Variants in CTNNA3 observed in about 807,000 individuals in gnomAD.
CTNNA3 encodes catenin alpha-3.
CTNNA3 carries 76 observed loss-of-function variants against 95.7 expected under a neutral mutation model. The ratio of observed to expected loss-of-function variants is 0.79; its 90% CI spans 0.66 to 0.96. CTNNA3 has a LOEUF of 0.96. Among genes scored for constraint, CTNNA3 ranks in the 40% least tolerant of loss-of-function variants. The pLI, the probability that CTNNA3 is intolerant of heterozygous loss-of-function variation, is 0.00. For missense variants in CTNNA3, 1,191 were observed against 1,089.8 expected (o/e 1.09, Z -1.31); for synonymous variants, 431 against 374.4 (o/e 1.15, Z -1.74).
intron 5 of CTNNA3, among the ~76,000 whole-genome samples, chr10:67,512,755 G>A (rs1839678236): frequency 6.6e-6 from 1 of 151,648 alleles, no homozygotes; most frequent in African/African-American, 2.4e-5. Flanking sequence ...GGGAGGCCGA[G>A]GCAGGCAGAT....
intron 7 of CTNNA3, among the ~76,000 whole-genome samples, chr10:66,800,460 T>A (rs915964444): frequency 1.3e-5 from 2 of 150,792 alleles, no homozygotes; most frequent in African/African-American, 4.9e-5. Context: ...AATTGAAAAA[T>A]TCAATAACAC....
At chr10:66,798,835 T>C (rs1291013456) in intron 7 of CTNNA3, among the ~76,000 whole-genome samples, 1 of 151,578 alleles carries the variant, frequency 6.6e-6, no homozygotes, top group Non-Finnish European at 1.5e-5. Context: ...AAAAGACATA[T>C]GAGATAAAAA....
chr10:67,442,635 C>A (rs1489346640), intron 5 of CTNNA3, among the ~76,000 whole-genome samples: 1 of 151,916 alleles, frequency 6.6e-6, no homozygotes, highest in Non-Finnish European at 1.5e-5. Context: ...TATAAAGGAT[C>A]AATTCAGCAT....
chr10:67,236,023 GAGGATGTGGAGAAAT>G, intron 5 of CTNNA3, among the ~76,000 whole-genome samples: 1 of 146,168 alleles, frequency 6.8e-6, no homozygotes, highest in South Asian at 2.2e-4. Flanking sequence ...AGGTGCTGGA[GAGGATGTGGAGAAAT>G]AGGAACACTT....
chr10:66,046,405 G>A (rs1285848504), intron 15 of CTNNA3, among the ~76,000 whole-genome samples: 1 of 152,164 alleles, frequency 6.6e-6, no homozygotes, highest in Non-Finnish European at 1.5e-5. Context: ...TGCAGGTCCA[G>A]CAAAGTGGGA....
intron 13 of CTNNA3, among the ~76,000 whole-genome samples, chr10:66,128,652 T>G (rs1381225837): frequency 6.6e-6 from 1 of 152,070 alleles, no homozygotes; most frequent in Non-Finnish European, 1.5e-5. Context: ...AGGGAGGGGA[T>G]GTATAGGCAG....
intron 5 of CTNNA3, among the ~76,000 whole-genome samples, chr10:67,271,432 G>A (rs1838967730): frequency 6.6e-6 from 1 of 152,032 alleles, no homozygotes; most frequent in Non-Finnish European, 1.5e-5. Context: ...CCTCCCCTTT[G>A]TGTTCTGCCA....
chr10:66,940,368 T>C (rs554083950), intron 7 of CTNNA3, among the ~76,000 whole-genome samples: 1 of 152,206 alleles, frequency 6.6e-6, no homozygotes, highest in South Asian at 2.1e-4. Context: ...TGATGGCACA[T>C]GCTTGGAAGC....
At chr10:66,177,408 A>G (rs767433818) in intron 13 of CTNNA3, among the ~76,000 whole-genome samples, 2 of 152,038 alleles carry the variant, frequency 1.3e-5, no homozygotes, top group Non-Finnish European at 2.9e-5. Flanking sequence ...CAGATTTTTA[A>G]AAATTTTGTT....
At chr10:67,592,370 C>A (rs1278389965) in intron 3 of CTNNA3, among the ~76,000 whole-genome samples, 1 of 152,040 alleles carries the variant, frequency 6.6e-6, no homozygotes, top group Non-Finnish European at 1.5e-5. Flanking sequence ...AAGCTGGGGG[C>A]AGCAGGAGTA....
In CTNNA3 at chr10:66,551,630, G is replaced by A. The variant is rs545379346; in HGVS notation, c.1375-30857C>T. 1.1e-4 allele frequency among the ~76,000 whole-genome samples: 17 copies of A among 152,022 alleles called. No homozygotes were observed. The South Asian group carries it at 1.5e-3, about 13-fold the overall frequency. On this transcript the variant is annotated intron_variant, in intron 10 of 17. Coordinates refer to ENST00000433211, the MANE Select transcript of CTNNA3 (RefSeq NM_013266.4). ...TATAAATTATCAAATTTGGAATTAC[G>A]TCTTGTGTGTGTTTGATAAAATACT...
intron 7 of CTNNA3, among the ~76,000 whole-genome samples, chr10:66,856,178 G>A (rs944660075): frequency 7.2e-5 from 11 of 151,922 alleles, no homozygotes; most frequent in Non-Finnish European, 1.5e-4. Context: ...GTGGTATTTG[G>A]TTTTCTGTTC....
intron 5 of CTNNA3, among the ~76,000 whole-genome samples, chr10:67,343,272 T>G (rs764165062): frequency 2.0e-5 from 3 of 152,144 alleles, no homozygotes; most frequent in Non-Finnish European, 2.9e-5. Flanking sequence ...TAGGATAGTT[T>G]TTTTCTATTT....
chr10:66,099,623 G>C (rs951231307), intron 14 of CTNNA3, among the ~76,000 whole-genome samples: 1 of 152,052 alleles, frequency 6.6e-6, no homozygotes, highest in Non-Finnish European at 1.5e-5. Flanking sequence ...AGTAGAATCT[G>C]TTGTAATAAA....
chr10:66,135,386 C>T (rs1334697081), intron 13 of CTNNA3, among the ~76,000 whole-genome samples: 1 of 152,092 alleles, frequency 6.6e-6, no homozygotes, highest in East Asian at 1.9e-4. Context: ...TAAAAGTTCT[C>T]CCCTAAAAAT....
intron 13 of CTNNA3, among the ~76,000 whole-genome samples, chr10:66,171,981 A>C (rs1473960507): frequency 6.6e-6 from 1 of 152,164 alleles, no homozygotes; most frequent in Non-Finnish European, 1.5e-5. Flanking sequence ...GAATTTCGCT[A>C]ATGGAATTAG....
At position 67,047,098 on chromosome 10, in the gene CTNNA3, A is replaced by G. The variant is rs570605840; in HGVS notation, c.1047+133219T>C. 7.2e-5 allele frequency among the ~76,000 whole-genome samples: 11 copies of G among 152,314 alleles called. No homozygotes were observed. The South Asian group carries it at 2.1e-3, about 29-fold the overall frequency. ...ATCCAGAGATGAGTTTAGACAGAGGACAATGAAGACAGTACTCAGACAGTA... is the reference window on the plus strand; with the variant it reads ...ATCCAGAGATGAGTTTAGACAGAGGGCAATGAAGACAGTACTCAGACAGTA... On this transcript the variant is annotated intron_variant, in intron 7 of 17. Transcript: ENST00000433211.
intron 7 of CTNNA3, among the ~76,000 whole-genome samples, chr10:66,780,825 T>C (rs1840505089): frequency 6.6e-6 from 1 of 152,182 alleles, no homozygotes; most frequent in African/African-American, 2.4e-5. Context: ...TCCCATTACG[T>C]TTCTGGGCCT....
At chr10:66,940,155 A>G (rs748923514) in intron 7 of CTNNA3, among the ~76,000 whole-genome samples, 7 of 152,260 alleles carry the variant, frequency 4.6e-5, no homozygotes, top group Non-Finnish European at 7.3e-5. Context: ...GTTTGAAAAG[A>G]TGGAAAACGT....
Sources: allele counts gnomAD v4.1 joint callset (sites outside exome capture counted in the v4.1 genomes callset), GRCh38; gene constraint gnomAD v4.1.1; transcripts MANE v1.5; gene names NCBI Gene and HGNC (gene_info 2026-07-23, HGNC 2026-07-21).